The following FHIT variants were observed in gnomAD, a reference collection of about 807,000 sequenced individuals.
FHIT encodes bis(5'-adenosyl)-triphosphatase.
A neutral mutation model predicts 17.9 loss-of-function variants in FHIT; 19 were observed. The ratio of observed to expected loss-of-function variants is 1.06; its 90% confidence interval spans 0.74 to 1.56. The LOEUF is 1.56. Ranked by LOEUF, FHIT falls within the 40% of genes most tolerant of loss-of-function variation. The probability of loss-of-function intolerance (pLI) is 0.00; values close to 1 mark genes in which losing one functional copy is unlikely to be tolerated. For missense variants in FHIT, 248 were observed against 189.2 expected, an observed-to-expected ratio of 1.31 and a Z score of -1.82; for synonymous variants, 81 against 69.7, an observed-to-expected ratio of 1.16 and a Z score of -0.81.
Position 60,919,399 on chromosome 3 carries a change from GT to G in FHIT, c.-110-97389del, listed in dbSNP as rs5849401. On this transcript the variant is annotated intron_variant, in intron 3 of 9. Coordinates refer to ENST00000492590, the MANE Select transcript of FHIT (RefSeq NM_002012.4). ...TTACAAAAGCACAATCACAACCACAGTTTTTTTTTTTTTTTAAAGCTGTCTA... is the reference window on the plus strand; with the variant it reads ...TTACAAAAGCACAATCACAACCACAGTTTTTTTTTTTTTTAAAGCTGTCTA... Among the ~76,000 whole-genome samples the G allele has an allele frequency of 6.8e-3, 988 of 144,384 alleles. 10 individuals are homozygous for G. Among genetic ancestry groups the G allele is most frequent in the South Asian group, 0.019 (83 of 4,470 alleles). 94.7% of individuals were successfully genotyped at this position (144,384 alleles called of 152,430 possible). A position where few individuals can be genotyped will look rare whatever the true frequency, so the allele number is the denominator to read the frequency against.
intron 5 of FHIT, among the ~76,000 whole-genome samples, chr3:60,264,388 A>G (rs1030123759): frequency 0.036 from 2 of 56 alleles, no homozygotes; most frequent in African/African-American, 0.071. Flanking sequence ...TACATATAAC[A>G]AGGACCAGTA....
intron 3 of FHIT, among the ~76,000 whole-genome samples, chr3:60,845,126 T>C (rs2106883886): frequency 6.6e-6 from 1 of 152,260 alleles, no homozygotes; most frequent in African/African-American, 2.4e-5. Flanking sequence ...ATAAGAATTG[T>C]ATTTAATCAA....
chr3:61,104,765 C>G (rs976872568), intron 2 of FHIT, among the ~76,000 whole-genome samples: 1 of 152,046 alleles, frequency 6.6e-6, no homozygotes, highest in African/African-American at 2.4e-5. Context: ...TTTGTTCATT[C>G]TTTCTCATTC....
chr3:59,895,632 T>C (rs189155041), intron 8 of FHIT, among the ~76,000 whole-genome samples: 24 of 152,290 alleles, frequency 1.6e-4, no homozygotes, highest in African/African-American at 4.8e-4. Flanking sequence ...AGCACCAACA[T>C]ATTTCTAGAA....
chr3:60,898,922 C>T (rs1553762533), intron 3 of FHIT, among the ~76,000 whole-genome samples: 2 of 152,194 alleles, frequency 1.3e-5, no homozygotes, highest in Non-Finnish European at 2.9e-5. Flanking sequence ...TCTCCCTTGT[C>T]AGTTTCTGTA....
At chr3:60,433,204 T>G (rs896447352) in intron 5 of FHIT, among the ~76,000 whole-genome samples, 1 of 152,116 alleles carries the variant, frequency 6.6e-6, no homozygotes, top group Non-Finnish European at 1.5e-5. Context: ...TCATCTGACA[T>G]GATGACCTTC....
At chr3:59,946,804 T>A (rs1371173301) in intron 7 of FHIT, among the ~76,000 whole-genome samples, 2 of 152,232 alleles carry the variant, frequency 1.3e-5, no homozygotes, top group Non-Finnish European at 2.9e-5. Flanking sequence ...GTTTTTGTGA[T>A]GAATCACATT....
chr3:59,818,282 G>A (rs1700672890), intron 8 of FHIT, among the ~76,000 whole-genome samples: 1 of 152,004 alleles, frequency 6.6e-6, no homozygotes, highest in Admixed American at 6.6e-5. Flanking sequence ...ACGCAATTCA[G>A]ACCCACAGCT....
At chr3:60,097,479 T>A (rs1704002496) in intron 5 of FHIT, among the ~76,000 whole-genome samples, 1 of 152,018 alleles carries the variant, frequency 6.6e-6, no homozygotes, top group African/African-American at 2.4e-5. Flanking sequence ...CAACATGAGT[T>A]TGAACTGTGT....
intron 4 of FHIT, among the ~76,000 whole-genome samples, chr3:60,792,750 A>G (rs1553728922): frequency 6.6e-6 from 1 of 152,166 alleles, no homozygotes; most frequent in Non-Finnish European, 1.5e-5. Context: ...AGGAATCACA[A>G]TACAAGTCCC....
intron 2 of FHIT, among the ~76,000 whole-genome samples, chr3:61,115,808 G>C (rs1251274405): frequency 6.6e-6 from 1 of 152,138 alleles, no homozygotes; most frequent in Admixed American, 6.6e-5. Flanking sequence ...GGCCTGGGAA[G>C]AAGAGTATTG....
intron 2 of FHIT, among the ~76,000 whole-genome samples, chr3:61,140,141 G>C (rs892331441): frequency 6.6e-6 from 1 of 152,060 alleles, no homozygotes; most frequent in Non-Finnish European, 1.5e-5. Context: ...CAGCTCTGTA[G>C]CTTTGGGCAA....
At chr3:60,715,785 A>T (rs2041668242) in intron 4 of FHIT, among the ~76,000 whole-genome samples, 1 of 152,172 alleles carries the variant, frequency 6.6e-6, no homozygotes, top group Non-Finnish European at 1.5e-5. Flanking sequence ...AATAAAAAAC[A>T]AAACAAAACA....
chr3:60,430,687 T>A (rs1289040783), intron 5 of FHIT, among the ~76,000 whole-genome samples: 1 of 152,118 alleles, frequency 6.6e-6, no homozygotes, highest in Non-Finnish European at 1.5e-5. Context: ...TGCACTTATC[T>A]CCATCAAGTT....
At chr3:61,194,099 G>T (rs547443850) in intron 2 of FHIT, among the ~76,000 whole-genome samples, 319 of 152,222 alleles carry the variant, frequency 2.1e-3, no homozygotes, top group Non-Finnish European at 3.6e-3. Context: ...ATTCTTATTG[G>T]CCTCTCTGTG....
intron 3 of FHIT, among the ~76,000 whole-genome samples, chr3:60,955,617 T>TATATACATATATATATAC (rs1709103772): frequency 1.6e-3 from 22 of 13,850 alleles, no homozygotes; most frequent in Non-Finnish European, 4.5e-3. Flanking sequence ...TATATATATA[T>TATATACATATATATATAC]ATATATATAT....
chr3:60,452,278 C>T (rs113501075), intron 5 of FHIT, among the ~76,000 whole-genome samples: 15 of 152,244 alleles, frequency 9.9e-5, no homozygotes, highest in African/African-American at 2.9e-4. Flanking sequence ...CTGAGCACTG[C>T]ACCAAGCGAT....
chr3:60,213,688 A>T (rs931666490), intron 5 of FHIT, among the ~76,000 whole-genome samples: 1 of 152,232 alleles, frequency 6.6e-6, no homozygotes, highest in African/African-American at 2.4e-5. Flanking sequence ...CCCCATAATT[A>T]AACAGATGGA....
chr3:60,014,380 T>C (rs1700260781), intron 5 of FHIT, among the ~76,000 whole-genome samples: 1 of 152,200 alleles, frequency 6.6e-6, no homozygotes, highest in Non-Finnish European at 1.5e-5. Context: ...CAGAAGAATT[T>C]CTTGCAAAAG....
Sources: gnomAD v4.1 joint callset for allele counts (sites outside exome capture counted in the v4.1 genomes callset) on GRCh38, gnomAD v4.1.1 for gene constraint, MANE v1.5 for transcripts, NCBI Gene and HGNC (gene_info 2026-07-23, HGNC 2026-07-21) for gene names.